Variants in PSPH observed in about 807,000 individuals in gnomAD.
The protein encoded by PSPH is L-3-phosphoserine phosphatase.
PSPH carries 16 observed loss-of-function variants against 23.4 expected under a neutral mutation model. That is an observed-to-expected ratio of 0.68 (90% CI 0.46 to 1.04). PSPH has a LOEUF of 1.04. Among genes scored for constraint, PSPH ranks in the 50% least tolerant of loss-of-function variants. The pLI is 0.00. For synonymous variants in PSPH, 68 were observed against 99.7 expected (o/e 0.68, Z 1.89); for missense variants, 223 against 273.7 (o/e 0.81, Z 1.31).
At chr7:56,021,041 C>G in intron 4 of PSPH, 32 bp downstream of exon 4, 1 of 1,613,732 alleles carries the variant, frequency 6.2e-7, no homozygotes, top group Non-Finnish European at 8.5e-7. Flanking sequence ...AAGTCTTTAT[C>G]ATTTCATAAA....
chr7:56,019,690 A>G lies in PSPH; in HGVS notation c.185T>C (p.Leu62Pro). Residue 62 changes from leucine to proline, a missense_variant, in exon 5 of 8, where the codon CTC becomes CCC. Physicochemically the swap from Leu to Pro is moderately conservative, Grantham distance 98 (BLOSUM62 -3). Coordinates refer to ENST00000275605, the MANE Select transcript of PSPH (RefSeq NM_004577.4). The stretch of plus-strand genomic sequence containing the variant: ...CTGGATGAGGGCTAAGCGCTCTGTG[A>G]GAGCAGCTTTGAAAGGCACTGCCCC... ...MGGAVPFKAA[L>P]TERLALIQPS... The G allele has an allele frequency of 6.2e-7, 1 of 1,613,902 alleles. No individual in the cohort carries two copies. The highest frequency in any genetic ancestry group is 8.5e-7 in the Non-Finnish European group (1 of 1,179,880).
chr7:56,023,545 G>A (rs546111247), intron 3 of PSPH, among the ~76,000 whole-genome samples: 2 of 152,178 alleles, frequency 1.3e-5, no homozygotes, highest in Admixed American at 1.3e-4. Context: ...TTACAGGCAT[G>A]AGCCCCCATG....
intron 1 of PSPH, among the ~76,000 whole-genome samples, chr7:56,034,921 G>A (rs1463063887): frequency 1.2e-5 from 1 of 86,930 alleles, no homozygotes; most frequent in African/African-American, 6.6e-5. Flanking sequence ...AAATAGAGAT[G>A]GGGGGGGGTC....
chr7:56,037,707 T>C (rs1584481722), intron 1 of PSPH, among the ~76,000 whole-genome samples: 1 of 68,256 alleles, frequency 1.5e-5, no homozygotes, highest in Admixed American at 1.3e-4. Flanking sequence ...AGCTAACAAA[T>C]TTTTTTTTTT....
At chr7:56,013,086 C>A (rs987527240) in intron 7 of PSPH, among the ~76,000 whole-genome samples, 9 of 116,036 alleles carry the variant, frequency 7.8e-5, no homozygotes, top group African/African-American at 2.4e-4. Flanking sequence ...TTTATATACA[C>A]ACATATATAT....
At chr7:56,014,953 A>G in intron 7 of PSPH, 70 bp downstream of exon 7, 2 of 1,418,278 alleles carry the variant, frequency 1.4e-6, no homozygotes, top group South Asian at 2.9e-5. Flanking sequence ...CAAAAAAAAT[A>G]AAGAAATAAT....
chr7:56,022,530 G>A (rs1789609287), intron 3 of PSPH, among the ~76,000 whole-genome samples: 1 of 152,118 alleles, frequency 6.6e-6, no homozygotes, highest in African/African-American at 2.4e-5. Context: ...AAGACAAGGA[G>A]AAGGAAGCAG....
At chr7:56,028,222 G>A (rs1790483714) in intron 3 of PSPH, among the ~76,000 whole-genome samples, 2 of 152,126 alleles carry the variant, frequency 1.3e-5, no homozygotes, top group South Asian at 4.2e-4. Flanking sequence ...GGAGAAAACA[G>A]AATATTTTTG....
At chr7:56,013,115 TTATA>T (rs1788140376) in intron 7 of PSPH, among the ~76,000 whole-genome samples, 1 of 130,120 alleles carries the variant, frequency 7.7e-6, no homozygotes, top group African/African-American at 2.7e-5. Context: ...GTGTATATAT[TTATA>T]TACACACACA....
Position 56,019,633 on chromosome 7 carries a change from G to A in PSPH, c.242C>T (p.Ala81Val), listed in dbSNP as rs1422043568. ...GGGGGTCAGGTGTGGGGGTTGCTCT[G>A]CTATGAGTCTCTGCACCTGCTCCCT... ...PSREQVQRLI[A>V]EQPPHLTPGI... Residue 81 changes from alanine to valine, a missense_variant, in exon 5 of 8, where the codon GCA (alanine) becomes GTA (valine). Physicochemically the swap from Ala to Val is moderately conservative, Grantham distance 64. Coordinates refer to ENST00000275605, the MANE Select transcript of PSPH (RefSeq NM_004577.4). The A allele has an allele frequency of 9.9e-6, 16 of 1,613,820 alleles. No individual in the cohort carries two copies. Among genetic ancestry groups the A allele is most frequent in the African/African-American group, 2.7e-5 (2 of 74,960 alleles).
intron 1 of PSPH, among the ~76,000 whole-genome samples, chr7:56,039,050 A>G (rs1490760965): frequency 2.0e-5 from 3 of 151,386 alleles, no homozygotes; most frequent in Non-Finnish European, 2.9e-5. Flanking sequence ...GGCCAAGGCA[A>G]GATAATCGCT....
chr7:56,038,081 C>T (rs1206870118), intron 1 of PSPH, among the ~76,000 whole-genome samples: 1 of 151,624 alleles, frequency 6.6e-6, no homozygotes, highest in Non-Finnish European at 1.5e-5. Context: ...GTGCTAATAG[C>T]CTTCTAAAGT....
At chr7:56,045,962 A>G (rs1220934330) in intron 1 of PSPH, among the ~76,000 whole-genome samples, 1 of 151,878 alleles carries the variant, frequency 6.6e-6, no homozygotes, top group Non-Finnish European at 1.5e-5. Context: ...CAGCACAGCA[A>G]GCAGTGTGGG....
At chr7:56,015,910 C>T (rs559682068) in intron 6 of PSPH, among the ~76,000 whole-genome samples, 26 of 152,126 alleles carry the variant, frequency 1.7e-4, no homozygotes, top group Admixed American at 1.2e-3. Flanking sequence ...AGACTTGCCT[C>T]GGCCTCCCAA....
chr7:56,034,290 T>C (rs1486684510), intron 1 of PSPH, 184 bp from the exon 2 acceptor site: 2 of 152,330 alleles, frequency 1.3e-5, no homozygotes, highest in East Asian at 3.9e-4. Context: ...AGGTGCACGG[T>C]GCCTGTGGCA....
chr7:56,040,667 G>C (rs1479771416), intron 1 of PSPH, among the ~76,000 whole-genome samples: 2 of 151,948 alleles, frequency 1.3e-5, no homozygotes, highest in Admixed American at 1.3e-4. Flanking sequence ...GGTGGTGAGG[G>C]GGGGAATGAG....
intron 1 of PSPH, among the ~76,000 whole-genome samples, chr7:56,050,040 C>T (rs1793800210): frequency 6.6e-6 from 1 of 152,040 alleles, no homozygotes; most frequent in African/African-American, 2.4e-5. Flanking sequence ...TTGGCCTCCT[C>T]ATAACATTTT....
intron 1 of PSPH, among the ~76,000 whole-genome samples, chr7:56,041,797 G>A (rs1792568585): frequency 6.6e-6 from 1 of 151,938 alleles, no homozygotes; most frequent in South Asian, 2.1e-4. Flanking sequence ...GGTAGTGCAT[G>A]CCTGCAATCC....
At chr7:56,029,669 G>C (rs949539062) in intron 3 of PSPH, among the ~76,000 whole-genome samples, 3 of 152,062 alleles carry the variant, frequency 2.0e-5, no homozygotes, top group Non-Finnish European at 4.4e-5. Flanking sequence ...TATCTTTCAA[G>C]AGGCTTCTAA....
Sources: gnomAD v4.1 joint callset for allele counts (sites outside exome capture counted in the v4.1 genomes callset) on GRCh38, gnomAD v4.1.1 for gene constraint, MANE v1.5 for transcripts, NCBI Gene and HGNC (gene_info 2026-07-23, HGNC 2026-07-21) for gene names.